SGIP1: variants seen among roughly 807,000 people sequenced by gnomAD.
The protein encoded by SGIP1 is SH3-containing GRB2-like protein 3-interacting protein 1.
Under a neutral mutation model 107.5 loss-of-function variants are expected in SGIP1, and 38 were observed. The ratio of observed to expected loss-of-function variants is 0.35; its 90% CI spans 0.27 to 0.46. The LOEUF is 0.46. Among genes scored for constraint, SGIP1 ranks in the 20% least tolerant of loss-of-function variants. The probability of loss-of-function intolerance (pLI) is 1.00; values close to 1 mark genes in which losing one functional copy is unlikely to be tolerated. For synonymous variants in SGIP1, 365 were observed against 366.1 expected (o/e 1.00, Z 0.03); for missense variants, 929 against 1,019.5 (o/e 0.91, Z 1.21).
chr1:66,714,177 C>A (rs866938489), intron 18 of SGIP1, among the ~76,000 whole-genome samples: 2 of 152,084 alleles, frequency 1.3e-5, no homozygotes, highest in Non-Finnish European at 2.9e-5. Flanking sequence ...CACCATGCGC[C>A]TTTAACATTG....
intron 1 of SGIP1, among the ~76,000 whole-genome samples, chr1:66,568,532 T>C (rs1381065778): frequency 6.6e-6 from 1 of 152,090 alleles, no homozygotes. Flanking sequence ...CAATACTATG[T>C]TGAATAGGAG....
At chr1:66,728,524 C>A (rs1012755449) in intron 19 of SGIP1, among the ~76,000 whole-genome samples, 1 of 152,156 alleles carries the variant, frequency 6.6e-6, no homozygotes, top group African/African-American at 2.4e-5. Context: ...TTAATTCAAC[C>A]ATTGTAGAAA....
chr1:66,548,196 A>G (rs1388134954), intron 1 of SGIP1, among the ~76,000 whole-genome samples: 1 of 152,162 alleles, frequency 6.6e-6, no homozygotes, highest in Non-Finnish European at 1.5e-5. Context: ...GGACTTTAGT[A>G]GCTACAGATG....
intron 15 of SGIP1, chr1:66,684,097 C>T: frequency 6.5e-7 from 1 of 1,550,308 alleles, no homozygotes; most frequent in African/African-American, 1.4e-5. Flanking sequence ...TTATCTTTCC[C>T]TTTTTACAGA....
intron 18 of SGIP1, among the ~76,000 whole-genome samples, chr1:66,716,260 G>A (rs1157496344): frequency 6.6e-6 from 1 of 152,118 alleles, no homozygotes; most frequent in Non-Finnish European, 1.5e-5. Context: ...TATAGCTACT[G>A]ATTCATGCTC....
At chr1:66,579,949 C>T (rs2061590137) in intron 1 of SGIP1, among the ~76,000 whole-genome samples, 1 of 152,106 alleles carries the variant, frequency 6.6e-6, no homozygotes, top group Non-Finnish European at 1.5e-5. Context: ...ATTCTATTAT[C>T]TCTACTGTCA....
At chr1:66,589,289 C>T (rs2148857844) in intron 1 of SGIP1, among the ~76,000 whole-genome samples, 1 of 138,032 alleles carries the variant, frequency 7.2e-6, no homozygotes, top group African/African-American at 2.7e-5. Context: ...AAGAATGAAT[C>T]AATTTAATGT....
intron 1 of SGIP1, among the ~76,000 whole-genome samples, chr1:66,536,731 A>C (rs1480922442): frequency 6.6e-6 from 1 of 152,148 alleles, no homozygotes; most frequent in Non-Finnish European, 1.5e-5. Flanking sequence ...GCTACCAAAC[A>C]TCTAGTTAAA....
chr1:66,672,410 A>G (rs1356008567), intron 11 of SGIP1, among the ~76,000 whole-genome samples: 3 of 152,144 alleles, frequency 2.0e-5, no homozygotes, highest in Non-Finnish European at 4.4e-5. Flanking sequence ...TTCTGTTTTT[A>G]GTTTTTGGCA....
At chr1:66,669,266 T>C (rs1174598068) in intron 9 of SGIP1, among the ~76,000 whole-genome samples, 1 of 152,238 alleles carries the variant, frequency 6.6e-6, no homozygotes, top group African/African-American at 2.4e-5. Flanking sequence ...ATTGAATGAA[T>C]TGACACACCT....
chr1:66,640,314 C>G (rs1003742598), intron 5 of SGIP1, among the ~76,000 whole-genome samples: 1 of 152,124 alleles, frequency 6.6e-6, no homozygotes, highest in Admixed American at 6.6e-5. Flanking sequence ...ACCTGCCTAG[C>G]CTGTAGTATT....
chr1:66,697,955 T>A (rs2091242076), intron 18 of SGIP1, among the ~76,000 whole-genome samples: 1 of 152,200 alleles, frequency 6.6e-6, no homozygotes, highest in Non-Finnish European at 1.5e-5. Flanking sequence ...AATTCTTCAT[T>A]CAGGGAATGT....
At chr1:66,558,685 C>T (rs1571307198) in intron 1 of SGIP1, among the ~76,000 whole-genome samples, 1 of 151,640 alleles carries the variant, frequency 6.6e-6, no homozygotes, top group Non-Finnish European at 1.5e-5. Flanking sequence ...AATATATTCA[C>T]TGTGCTAGAT....
At chr1:66,726,734 ATT>A (rs2093775171) in intron 19 of SGIP1, among the ~76,000 whole-genome samples, 1 of 152,252 alleles carries the variant, frequency 6.6e-6, no homozygotes, top group Non-Finnish European at 1.5e-5. Flanking sequence ...CACTATATAC[ATT>A]GTAAGACTAA....
chr1:66,676,610 G>A (rs2085407428), intron 12 of SGIP1, among the ~76,000 whole-genome samples: 1 of 152,174 alleles, frequency 6.6e-6, no homozygotes, highest in Admixed American at 6.5e-5. Context: ...ATTTATAGGA[G>A]GCTTTAAATC....
At chr1:66,542,486 T>C (rs1394354073) in intron 1 of SGIP1, among the ~76,000 whole-genome samples, 1 of 152,148 alleles carries the variant, frequency 6.6e-6, no homozygotes, top group Non-Finnish European at 1.5e-5. Flanking sequence ...CCATTGACCT[T>C]GAACACAGGC....
intron 1 of SGIP1, among the ~76,000 whole-genome samples, chr1:66,617,500 A>G (rs1177901781): frequency 6.6e-6 from 1 of 152,232 alleles, no homozygotes; most frequent in African/African-American, 2.4e-5. Flanking sequence ...CATAATGAAA[A>G]GATATAGCCA....
chr1:66,676,863 G>A lies in SGIP1; in HGVS notation c.647-141G>A. ...CTCTGCTTGAAAAGAATAAGGAGCA[G>A]CACATTCCTAAGTTAATTTTTTAGT... is the stretch of plus-strand genomic sequence containing the variant. On this transcript the variant is annotated intron_variant, in intron 12 of 24. Transcript: ENST00000371037. 4.7e-6 allele frequency: 3 copies of A among 641,928 alleles called. No homozygotes were observed. In the South Asian group the frequency reaches 6.0e-5, roughly 13 times the overall value. 39.8% of individuals were successfully genotyped at this position (641,928 alleles called of 1,614,324 possible). A position where few individuals can be genotyped will look rare whatever the true frequency, so the allele number is the denominator to read the frequency against.
rs1325219396 is a variant in SGIP1, at chr1:66,596,791, C to A, written c.11-29056C>A. Among the ~76,000 whole-genome samples, 7 of 151,952 alleles carry A rather than the reference C, an allele frequency of 4.6e-5. No homozygotes were observed. The East Asian group carries it at 1.4e-3, about 29-fold the overall frequency. On this transcript the variant is annotated intron_variant, in intron 1 of 24. Transcript: ENST00000371037. ...GGTATGTGGGGTCTATTATTTCTTA[C>A]AACTACAATTATCTCAAAATATTTT... is the stretch of plus-strand genomic sequence containing the variant.
Sources: gnomAD v4.1 joint callset for allele counts (sites outside exome capture counted in the v4.1 genomes callset) on GRCh38, gnomAD v4.1.1 for gene constraint, MANE v1.5 for transcripts, NCBI Gene and HGNC (gene_info 2026-07-23, HGNC 2026-07-21) for gene names.